The following DMD variants were observed in gnomAD, a reference collection of about 807,000 sequenced individuals.
The protein encoded by DMD is dystrophin, also known as mutant dystrophin.
In DMD, 63 loss-of-function variants were observed where a neutral mutation model predicts 330.1. That is an observed-to-expected ratio of 0.19 (90% CI 0.16 to 0.24). The LOEUF is 0.24. Ranked by LOEUF, DMD falls within the 10% of genes least tolerant of loss-of-function variation. The probability of loss-of-function intolerance (pLI) is 1.00; values close to 1 mark genes in which losing one functional copy is unlikely to be tolerated. For missense variants in DMD, 3,344 were observed against 2,684.1 expected (o/e 1.25, Z -5.43); for synonymous variants, 1,223 against 959.8 (o/e 1.27, Z -5.07).
In DMD at chrX:32,775,396, T is replaced by A. The variant is rs185608767; in HGVS notation, c.649+34097A>T. ...CCCCCTGCATTGCCCTAGTAGAGGTTCTCCATGAGGACTCCGCCCCTGCAG... is the reference window on the plus strand; with the variant it reads ...CCCCCTGCATTGCCCTAGTAGAGGTACTCCATGAGGACTCCGCCCCTGCAG... On this transcript the variant is annotated intron_variant, in intron 7 of 78. Coordinates refer to ENST00000357033, the MANE Select transcript of DMD (RefSeq NM_004006.3). Among the ~76,000 whole-genome samples, 329 of 112,641 alleles carry A rather than the reference T, an allele frequency of 2.9e-3. 3 individuals are homozygous for A. Among genetic ancestry groups the A allele is most frequent in the Non-Finnish European group, 4.8e-3 (255 of 53,230 alleles).
rs766658922 is a variant in DMD, at chrX:32,507,312, A to G, written c.2293-5470T>C. ...ATCTTCTCCTATCAGAGGGGTTTCT[A>G]TTTTATCTACATTGAGCTTTTGCTT... On this transcript the variant is annotated intron_variant, in intron 18 of 78. Transcript: ENST00000357033. 5.4e-5 allele frequency among the ~76,000 whole-genome samples: 6 copies of G among 111,796 alleles called. No individual in the cohort carries two copies. The South Asian group carries it at 2.3e-3, about 42-fold the overall frequency.
intron 41 of DMD, among the ~76,000 whole-genome samples, chrX:32,333,184 T>C (rs754019336): frequency 1.6e-3 from 177 of 112,182 alleles, no homozygotes; most frequent in African/African-American, 5.6e-3. Flanking sequence ...TCCATTTTTT[T>C]ACCATTTTCT....
intron 12 of DMD, among the ~76,000 whole-genome samples, chrX:32,606,050 T>C (rs1382267101): frequency 9.1e-6 from 1 of 110,468 alleles, no homozygotes; most frequent in Admixed American, 9.6e-5. Flanking sequence ...ATTATATGCT[T>C]TCACAGTTAT....
intron 39 of DMD, among the ~76,000 whole-genome samples, chrX:32,343,577 G>A (rs1410642916): frequency 9.0e-6 from 1 of 111,379 alleles, no homozygotes; most frequent in Non-Finnish European, 1.9e-5. Flanking sequence ...TGAGCTAACT[G>A]TTGTGTAGTT....
intron 7 of DMD, among the ~76,000 whole-genome samples, chrX:32,809,261 GC>G (rs2077170448): frequency 9.0e-6 from 1 of 111,727 alleles, no homozygotes; most frequent in Non-Finnish European, 1.9e-5. Context: ...CATTTTAAAG[GC>G]TTTTTTCCTA....
intron 54 of DMD, among the ~76,000 whole-genome samples, chrX:31,643,192 T>C (rs1175280858): frequency 8.9e-6 from 1 of 112,018 alleles, no homozygotes; most frequent in Non-Finnish European, 1.9e-5. Context: ...ATTTTATAGT[T>C]TGATAAACTA....
At chrX:32,550,042 C>T (rs1230987684) in intron 16 of DMD, among the ~76,000 whole-genome samples, 2 of 111,878 alleles carry the variant, frequency 1.8e-5, no homozygotes, top group Non-Finnish European at 3.8e-5. Flanking sequence ...GTACGAACGC[C>T]GTGGAGTGTA....
intron 43 of DMD, among the ~76,000 whole-genome samples, chrX:32,280,111 G>A (rs959923550): frequency 1.7e-4 from 16 of 92,223 alleles, no homozygotes; most frequent in African/African-American, 5.6e-4. Context: ...TTTATATATA[G>A]TATATATTTA....
chrX:32,286,552 A>T (rs1212085625), intron 43 of DMD, among the ~76,000 whole-genome samples: 1 of 111,833 alleles, frequency 8.9e-6, no homozygotes, highest in East Asian at 2.8e-4. Context: ...TGCACAATTA[A>T]GGAGTCAGGG....
chrX:32,462,616 G>T (rs936596039), intron 25 of DMD, among the ~76,000 whole-genome samples: 5 of 108,434 alleles, frequency 4.6e-5, no homozygotes, highest in Non-Finnish European at 7.6e-5. Flanking sequence ...GTTTTTTTTT[G>T]AAATTCAGCT....
chrX:31,323,805 C>A, intron 61 of DMD, 147 bp from the exon 62 acceptor site: 1 of 553,724 alleles, frequency 1.8e-6, no homozygotes, highest in African/African-American at 2.3e-5. Flanking sequence ...GATTAACCTG[C>A]TGTTCTGAAA....
At chrX:32,135,854 C>A (rs780201758) in intron 44 of DMD, among the ~76,000 whole-genome samples, 1 of 112,476 alleles carries the variant, frequency 8.9e-6, no homozygotes, top group South Asian at 3.7e-4. Context: ...GCTATCGTTA[C>A]TATACACATA....
chrX:32,065,540 A>T (rs768041800), intron 44 of DMD, among the ~76,000 whole-genome samples: 23 of 112,173 alleles, frequency 2.1e-4, no homozygotes, highest in Non-Finnish European at 3.8e-4. Context: ...TCTAATATCA[A>T]CATATCCTGT....
chrX:33,059,524 A>G (rs2148065360), intron 1 of DMD, among the ~76,000 whole-genome samples: 1 of 111,116 alleles, frequency 9.0e-6, no homozygotes, highest in East Asian at 2.8e-4. Context: ...AGTCCAACTC[A>G]TGGCCTCGAT....
At chrX:32,555,556 C>A (rs1174521159) in intron 16 of DMD, among the ~76,000 whole-genome samples, 1 of 111,162 alleles carries the variant, frequency 9.0e-6, no homozygotes, top group Non-Finnish European at 1.9e-5. Flanking sequence ...TTGTCTCAGC[C>A]CAAAAGCTAA....
intron 1 of DMD, among the ~76,000 whole-genome samples, chrX:33,079,999 T>C (rs778685956): frequency 4.3e-4 from 48 of 112,389 alleles, no homozygotes; most frequent in Non-Finnish European, 1.1e-4. Flanking sequence ...AAACCAAATT[T>C]CATGTTCGCA....
At chrX:33,284,472 G>A (rs780510628) in intron 1 of DMD, among the ~76,000 whole-genome samples, 48 of 109,966 alleles carry the variant, frequency 4.4e-4, no homozygotes, top group South Asian at 4.4e-3. Context: ...TAAGACAGGT[G>A]AATAGAAGGA....
chrX:31,545,220 G>A (rs2074078532), intron 55 of DMD, among the ~76,000 whole-genome samples: 1 of 112,113 alleles, frequency 8.9e-6, no homozygotes, highest in South Asian at 3.7e-4. Flanking sequence ...CAGAACCAGA[G>A]CCTTCAGCTG....
chrX:31,441,901 G>A (rs981669199), intron 60 of DMD, among the ~76,000 whole-genome samples: 2 of 111,802 alleles, frequency 1.8e-5, no homozygotes, highest in Non-Finnish European at 3.8e-5. Flanking sequence ...AACTTGACTC[G>A]GTTATATGCA....
Sources: allele counts gnomAD v4.1 joint callset (sites outside exome capture counted in the v4.1 genomes callset), GRCh38; gene constraint gnomAD v4.1.1; transcripts MANE v1.5; gene names NCBI Gene and HGNC (gene_info 2026-07-23, HGNC 2026-07-21).